The following PCYT1B variants were observed in gnomAD, a reference collection of about 807,000 sequenced individuals.
The protein encoded by PCYT1B is phosphate cytidylyltransferase 1B, choline.
A neutral mutation model predicts 26.4 loss-of-function variants in PCYT1B; 10 were observed. That is an observed-to-expected ratio of 0.38 (90% CI 0.23 to 0.64). PCYT1B has a LOEUF of 0.64. PCYT1B is among the 30% of genes least tolerant of loss of function. The probability of loss-of-function intolerance (pLI) is 0.56; values close to 1 mark genes in which losing one functional copy is unlikely to be tolerated. For missense variants in PCYT1B, 161 were observed against 292.7 expected, an observed-to-expected ratio of 0.55 and a Z score of 3.28; for synonymous variants, 131 against 108.4, an observed-to-expected ratio of 1.21 and a Z score of -1.29.
intron 3 of PCYT1B, among the ~76,000 whole-genome samples, chrX:24,592,137 A>G (rs1337277661): frequency 8.9e-6 from 1 of 111,836 alleles, no homozygotes; most frequent in East Asian, 2.8e-4. Context: ...TATAAGTGGT[A>G]TATAAACACA....
chrX:24,647,013 C>T lies in PCYT1B; in HGVS notation c.93G>A (p.Glu31=). ...EPPSETMEEI[E]HTCPQPRLTL... ...CCAGTCGAGGCTGTGGGCATGTGTG[C>T]TCTATTTCCTCCATGGTTTCTGAGG... The change falls in exon 1 of 8, where the codon GAG becomes GAA. Residue 31 remains glutamate (E), a synonymous_variant. Coordinates refer to ENST00000379144, the MANE Select transcript of PCYT1B (RefSeq NM_004845.5). 1 of 1,209,476 alleles carries T rather than the reference C, an allele frequency of 8.3e-7. No individual in the cohort carries two copies. Among genetic ancestry groups the T allele is most frequent in the Non-Finnish European group, 1.1e-6 (1 of 893,511 alleles).
chrX:24,622,758 A>G (rs1925737182), intron 1 of PCYT1B, among the ~76,000 whole-genome samples: 1 of 112,186 alleles, frequency 8.9e-6, no homozygotes, highest in African/African-American at 3.2e-5. Context: ...GCAGTGGTAG[A>G]TCCCTCAAAC....
intron 1 of PCYT1B, among the ~76,000 whole-genome samples, chrX:24,653,170 G>T (rs1010613714): frequency 1.8e-5 from 2 of 111,917 alleles, no homozygotes; most frequent in African/African-American, 6.5e-5. Flanking sequence ...TTTTGCCATT[G>T]AAAATAATGA....
intron 1 of PCYT1B, among the ~76,000 whole-genome samples, chrX:24,658,846 T>G (rs181168791): frequency 8.9e-6 from 1 of 112,313 alleles, no homozygotes; most frequent in Admixed American, 9.5e-5. Context: ...CTATCACATC[T>G]TCCTTAGCAT....
In PCYT1B at chrX:24,647,272, C is replaced by G. The variant is rs1442444851; in HGVS notation, c.-167G>C. 1 of 976,342 alleles carries G rather than the reference C, an allele frequency of 1.0e-6. No homozygotes were observed. Among genetic ancestry groups the G allele is most frequent in the Non-Finnish European group, 1.3e-6 (1 of 764,875 alleles). The allele number at this position is 976,342 out of a possible 1,213,427, so 80.5% of individuals were successfully genotyped here. ...GGGGAAGTAAAGAGGTTACCCCCCGCCCCTCTCTCTCTCTCTCTCTCCCAG... is the reference window on the plus strand; with the variant it reads ...GGGGAAGTAAAGAGGTTACCCCCCGGCCCTCTCTCTCTCTCTCTCTCCCAG... On this transcript the variant is annotated 5_prime_UTR_variant, in exon 1 of 8. Transcript: ENST00000379144.
intron 6 of PCYT1B, among the ~76,000 whole-genome samples, chrX:24,576,423 C>A (rs1405091536): frequency 1.8e-5 from 2 of 111,525 alleles, no homozygotes; most frequent in Non-Finnish European, 3.8e-5. Context: ...CATGCCTCAG[C>A]CTCCTGAGTA....
At chrX:24,620,031 T>G (rs754233538) in intron 1 of PCYT1B, among the ~76,000 whole-genome samples, 2 of 112,802 alleles carry the variant, frequency 1.8e-5, no homozygotes, top group African/African-American at 3.2e-5. Context: ...TTGTGATTTT[T>G]AAAGCTAAAG....
chrX:24,623,924 G>A (rs191226271), intron 1 of PCYT1B, among the ~76,000 whole-genome samples: 1 of 109,535 alleles, frequency 9.1e-6, no homozygotes, highest in East Asian at 2.9e-4. Flanking sequence ...ACTGCTGATG[G>A]TGATAGGCCA....
intron 1 of PCYT1B, among the ~76,000 whole-genome samples, chrX:24,640,994 G>A (rs1215929015): frequency 8.9e-6 from 1 of 111,740 alleles, no homozygotes; most frequent in Non-Finnish European, 1.9e-5. Context: ...AGTGCAGAGG[G>A]ATGATCTCGG....
chrX:24,572,130 A>G (rs1299792328), intron 7 of PCYT1B, among the ~76,000 whole-genome samples: 1 of 111,345 alleles, frequency 9.0e-6, no homozygotes, highest in East Asian at 2.8e-4. Context: ...AAAGCACACC[A>G]CGTCTGTGTA....
chrX:24,623,809 C>CA (rs1331922473), intron 1 of PCYT1B, among the ~76,000 whole-genome samples: 1 of 110,291 alleles, frequency 9.1e-6, no homozygotes, highest in African/African-American at 3.3e-5. Context: ...TACTTAAGTG[C>CA]AAAAAAATGG....
At chrX:24,671,804 C>A (rs1258376972) in intron 1 of PCYT1B, among the ~76,000 whole-genome samples, 1 of 111,918 alleles carries the variant, frequency 8.9e-6, no homozygotes, top group East Asian at 2.8e-4. Context: ...CTTTCTCCAT[C>A]TAGAACTCAT....
chrX:24,559,320 A>T lies in PCYT1B; in HGVS notation c.*2973T>A, dbSNP rs1923293445. ...CAACAAGAGCAAAACTCCATCTCAA[A>T]AAAAAAAAAAAAGAAAGAAAGAAGA... is the stretch of plus-strand genomic sequence containing the variant. On this transcript the variant is annotated 3_prime_UTR_variant, in exon 8 of 8. Coordinates refer to ENST00000379144, the MANE Select transcript of PCYT1B (RefSeq NM_004845.5). The T allele has an allele frequency of 9.5e-6, 1 of 105,699 alleles. No individual in the cohort carries two copies. The highest frequency in any genetic ancestry group is 2.0e-5 in the Non-Finnish European group (1 of 51,249). 8.7% of individuals were successfully genotyped at this position (105,699 alleles called of 1,213,427 possible). A position where few individuals can be genotyped will look rare whatever the true frequency, so the allele number is the denominator to read the frequency against.
chrX:24,651,537 C>A (rs375330443), upstream of PCYT1B, among the ~76,000 whole-genome samples: 4 of 58,404 alleles, frequency 6.8e-5, no homozygotes, highest in African/African-American at 2.6e-4. Context: ...ATATATTATT[C>A]TTTTTTTTTT....
intron 2 of PCYT1B, among the ~76,000 whole-genome samples, chrX:24,608,769 G>A (rs926475676): frequency 8.9e-6 from 1 of 111,903 alleles, no homozygotes; most frequent in African/African-American, 3.2e-5. Context: ...TCCCCTTCAA[G>A]TCAGAGAGAG....
intron 1 of PCYT1B, among the ~76,000 whole-genome samples, chrX:24,664,544 C>T (rs1199954501): frequency 8.9e-6 from 1 of 112,189 alleles, no homozygotes; most frequent in Non-Finnish European, 1.9e-5. Flanking sequence ...GTGGAAAGGA[C>T]GTACCATCTC....
intron 1 of PCYT1B, among the ~76,000 whole-genome samples, chrX:24,636,455 A>C (rs1329238226): frequency 8.9e-6 from 1 of 111,750 alleles, no homozygotes; most frequent in Non-Finnish European, 1.9e-5. Context: ...TCTACTAAAA[A>C]TACAAAAATT....
intron 2 of PCYT1B, among the ~76,000 whole-genome samples, chrX:24,613,890 C>T (rs973550429): frequency 9.8e-6 from 1 of 101,885 alleles, no homozygotes; most frequent in Non-Finnish European, 2.0e-5. Context: ...GAGGTTAAGA[C>T]TGCAGTGAGC....
chrX:24,613,679 A>G (rs1925379654), intron 2 of PCYT1B, among the ~76,000 whole-genome samples: 1 of 110,788 alleles, frequency 9.0e-6, no homozygotes, highest in Non-Finnish European at 1.9e-5. Context: ...AGGGCCGGGT[A>G]CAGTGGCTCA....
Sources: gnomAD v4.1 joint callset for allele counts (sites outside exome capture counted in the v4.1 genomes callset) on GRCh38, gnomAD v4.1.1 for gene constraint, MANE v1.5 for transcripts, NCBI Gene and HGNC (gene_info 2026-07-23, HGNC 2026-07-21) for gene names.